Variants in SLCO4A1 observed in about 807,000 individuals in gnomAD.
SLCO4A1 encodes the protein solute carrier organic anion transporter family member 4A1.
SLCO4A1 carries 51 observed loss-of-function variants against 64.6 expected under a neutral mutation model. The observed-to-expected ratio is 0.79, with a 90% CI of 0.63 to 1.00. SLCO4A1 has a LOEUF of 1.00. Ranked by LOEUF, SLCO4A1 falls within the 50% of genes least tolerant of loss-of-function variation. The probability of loss-of-function intolerance (pLI) is 0.00; values close to 1 mark genes in which losing one functional copy is unlikely to be tolerated. For synonymous variants in SLCO4A1, 471 were observed against 444.9 expected (o/e 1.06, Z -0.74); for missense variants, 919 against 980.5 (o/e 0.94, Z 0.84).
chr20:62,652,715 A>G (rs1328578518), intron 1 of SLCO4A1, among the ~76,000 whole-genome samples: 1 of 151,988 alleles, frequency 6.6e-6, no homozygotes, highest in Non-Finnish European at 1.5e-5. Flanking sequence ...CAGCTCGTGG[A>G]TAGGTGTTGG....
rs1987330005 is a variant in SLCO4A1, at chr20:62,672,273, ATAT to A, written c.*382_*384del. 1.8e-6 allele frequency: 2 copies of A among 1,138,408 alleles called. No individual in the cohort carries two copies. The highest frequency in any genetic ancestry group is 3.2e-5 in the African/African-American group (2 of 61,752). The allele number at this position is 1,138,408 out of a possible 1,614,324, so 70.5% of individuals were successfully genotyped here. ...CAGTTAAAACTGTGCATATCGAAAT[ATAT>A]TTTGTTATTTAAGCCTGCGTCCCCG... On this transcript the variant is annotated 3_prime_UTR_variant, in exon 12 of 12. Coordinates refer to ENST00000217159, the MANE Select transcript of SLCO4A1 (RefSeq NM_016354.4).
chr20:62,672,037 C>T lies in SLCO4A1; in HGVS notation c.*144C>T. On this transcript the variant is annotated 3_prime_UTR_variant, in exon 12 of 12. Transcript: ENST00000217159. Reference sequence around the variant, plus strand: ...CCTGTGGTTTAAAGTCGGCTGTGACCTCCTGTCCCCAGAGCTGTACGGCCC... The same window carrying T: ...CCTGTGGTTTAAAGTCGGCTGTGACTTCCTGTCCCCAGAGCTGTACGGCCC... 6.4e-7 allele frequency: 1 copy of T among 1,554,076 alleles called. No individual in the cohort carries two copies. The highest frequency in any genetic ancestry group is 8.7e-7 in the Non-Finnish European group (1 of 1,154,880).
At chr20:62,664,896 AC>A (rs1188997524) in intron 5 of SLCO4A1, 37 bp from the exon 6 acceptor site, 1 of 1,543,766 alleles carries the variant, frequency 6.5e-7, no homozygotes. Flanking sequence ...CACCACTCTG[AC>A]CCTCAGTCTC....
chr20:62,658,914 C>A, intron 3 of SLCO4A1, 147 bp downstream of exon 3: 1 of 694,014 alleles, frequency 1.4e-6, no homozygotes, highest in Non-Finnish European at 2.5e-6. Context: ...TCAAGGCTGG[C>A]CTTGGCTCTG....
Position 62,645,806 on chromosome 20 carries a change from G to A in SLCO4A1, c.-97+3253G>A, listed in dbSNP as rs746159978. Among the ~76,000 whole-genome samples the A allele has an allele frequency of 3.3e-5, 5 of 151,174 alleles. No individual in the cohort carries two copies. Among genetic ancestry groups the A allele is most frequent in the Non-Finnish European group, 5.9e-5 (4 of 67,830 alleles). On this transcript the variant is annotated intron_variant, in intron 1 of 11. Coordinates refer to ENST00000217159, the MANE Select transcript of SLCO4A1 (RefSeq NM_016354.4). The surrounding 1 kb of genome is among the most constrained non-coding windows in gnomAD (Gnocchi z 4.2). ...GCGCAGCCAGGCCCTTCCTGCCCAC[G>A]GACCTTGCCTTTTCTTGGTGGTTTT...
intron 2 of SLCO4A1, among the ~76,000 whole-genome samples, chr20:62,682,991 C>T (rs991498254): frequency 2.6e-5 from 4 of 152,240 alleles, no homozygotes; most frequent in Non-Finnish European, 4.4e-5. Context: ...CGCGGATGGA[C>T]CCTGAAGCTG....
intron 10 of SLCO4A1, 150 bp from the exon 11 acceptor site, chr20:62,668,780 G>T (rs1007906912): frequency 1.2e-6 from 1 of 847,548 alleles, no homozygotes; most frequent in Non-Finnish European, 1.8e-6. Context: ...CCAAAGAAAG[G>T]AACGTTTAAG....
intron 11 of SLCO4A1, among the ~76,000 whole-genome samples, chr20:62,669,350 G>C (rs1986918904): frequency 6.6e-6 from 1 of 152,230 alleles, no homozygotes; most frequent in Non-Finnish European, 1.5e-5. Flanking sequence ...CCCACCTCCT[G>C]GGACTGCCCC....
rs754803518 is a variant in SLCO4A1 at position 62,671,174 on chromosome 20, C to T, written c.2026-576C>T. Among the ~76,000 whole-genome samples the T allele has an allele frequency of 7.2e-5, 11 of 152,332 alleles. 1 individual carries two copies. The highest frequency in any genetic ancestry group is 4.1e-4 in the South Asian group (2 of 4,830). On this transcript the variant is annotated intron_variant, in intron 11 of 11. Transcript: ENST00000217159. ...CTTGAACCCCGGCTGTGGTGGTGAC[C>T]GGCGACTGGCTCTGTGTGAGGTTCC...
In SLCO4A1 at chr20:62,665,865, C is replaced by T. The variant is rs190053362; in HGVS notation, c.1277-515C>T. The T allele has an allele frequency of 6.7e-3, 1,028 of 153,300 alleles. 10 individuals are homozygous for T. Among genetic ancestry groups the T allele is most frequent in the South Asian group, 0.036 (177 of 4,980 alleles). The allele number at this position is 153,300 out of a possible 1,614,324, so 9.5% of individuals were successfully genotyped here. A position where few individuals can be genotyped will look rare whatever the true frequency, so the allele number is the denominator to read the frequency against. ...CTCTCCACCTGTCCCCTCACCTGTG[C>T]CCTCCTCACTTGTCAGCCCAGAAGC... On this transcript the variant is annotated intron_variant, in intron 6 of 11. Coordinates refer to ENST00000217159, the MANE Select transcript of SLCO4A1 (RefSeq NM_016354.4).
At chr20:62,668,784 G>A (rs1601675853) in intron 10 of SLCO4A1, 146 bp from the exon 11 acceptor site, 13 of 868,694 alleles carry the variant, frequency 1.5e-5, no homozygotes, top group Middle Eastern at 3.5e-4. Context: ...AGAAAGGAAC[G>A]TTTAAGCCCT....
At chr20:62,676,712 C>T (rs1300349562), downstream of SLCO4A1, among the ~76,000 whole-genome samples, 1 of 152,174 alleles carries the variant, frequency 6.6e-6, no homozygotes, top group South Asian at 2.1e-4. Context: ...ATGGCACAGC[C>T]GCTTTGGAAA....
At chr20:62,689,269 A>C (rs1219641423), downstream of SLCO4A1, among the ~76,000 whole-genome samples, 1 of 102,118 alleles carries the variant, frequency 9.8e-6, no homozygotes, top group Non-Finnish European at 2.1e-5. Flanking sequence ...CGTTCCTCGC[A>C]GGCCTGTCCC....
intron 2 of SLCO4A1, among the ~76,000 whole-genome samples, chr20:62,684,176 G>A (rs1987968700): frequency 1.3e-5 from 2 of 152,100 alleles, no homozygotes; most frequent in African/African-American, 4.8e-5. Flanking sequence ...CCCAACAGCA[G>A]TGGGAGGTCC....
rs961334270 is a variant in SLCO4A1 at position 62,685,434 on chromosome 20, T to A, written n.212-7T>A. ...TTTCTTGCTTTGTTTGTTGTTTTTT[T>A]CTTAAGGAAGAAGAGAATGAATTTA... On this transcript the variant is annotated splice_region_variant and splice_polypyrimidine_tract_variant and intron_variant and non_coding_transcript_variant, in intron 2 of 2. Transcript: ENST00000466818. The surrounding 1 kb of genome is among the most constrained non-coding windows in gnomAD (Gnocchi z 4.6). 1.0e-6 allele frequency: 1 copy of A among 985,080 alleles called. No homozygotes were observed. The highest frequency in any genetic ancestry group is 1.7e-5 in the African/African-American group (1 of 57,242). 61.0% of individuals were successfully genotyped at this position (985,080 alleles called of 1,614,324 possible). A position where few individuals can be genotyped will look rare whatever the true frequency, so the allele number is the denominator to read the frequency against.
intron 1 of SLCO4A1, 114 bp from the exon 2 acceptor site, chr20:62,656,245 A>G (rs773050898): frequency 1.5e-5 from 8 of 537,544 alleles, no homozygotes; most frequent in Non-Finnish European, 2.0e-5. Context: ...CTCTTGAGAC[A>G]AGGCAGGCAG....
Position 62,668,023 on chromosome 20 carries a change from CTG to C in SLCO4A1, c.1652_1653del (p.Cys551Ter), listed in dbSNP as rs1986687765. On this transcript the variant is annotated frameshift_variant, in exon 9 of 12. Coordinates refer to ENST00000217159, the MANE Select transcript of SLCO4A1 (RefSeq NM_016354.4). LOFTEE classifies it high-confidence loss of function. ...GTTGGGCTTCCCAGGTGTACCGAGA[CTG>C]TAGCTGTATCCCTCAGAATCTTTCC... is the stretch of plus-strand genomic sequence containing the variant. ...NVDGQKVYRD[C>X]SCIPQNLSSG... 6.2e-7 allele frequency: 1 copy of C among 1,614,098 alleles called. No homozygotes were observed. The highest frequency in any genetic ancestry group is 8.5e-7 in the Non-Finnish European group (1 of 1,180,046).
chr20:62,667,740 T>C lies in SLCO4A1; in HGVS notation c.1473-5T>C. On this transcript the variant is annotated splice_polypyrimidine_tract_variant and splice_region_variant and intron_variant, in intron 7 of 11. Transcript: ENST00000217159. ...CCCTACCACTCGCTTGTCCCCCCTC[T>C]GCAGCCTCCTGCCCGAAGGCCACCT... The C allele has an allele frequency of 6.2e-7, 1 of 1,605,338 alleles. No individual in the cohort carries two copies. The highest frequency in any genetic ancestry group is 8.5e-7 in the Non-Finnish European group (1 of 1,175,700).
intron 1 of SLCO4A1, among the ~76,000 whole-genome samples, chr20:62,653,886 GCCA>G (rs1983112678): frequency 7.1e-6 from 1 of 139,922 alleles, no homozygotes; most frequent in Non-Finnish European, 1.5e-5. Flanking sequence ...CCCGGGGCCT[GCCA>G]TGGGGTGGGG....
Sources: allele counts gnomAD v4.1 joint callset (sites outside exome capture counted in the v4.1 genomes callset), GRCh38; gene constraint gnomAD v4.1.1; non-coding constraint Gnocchi (gnomAD v3.1); transcripts MANE v1.5; gene names NCBI Gene and HGNC (gene_info 2026-07-23, HGNC 2026-07-21).